IER2: variants seen among roughly 807,000 people sequenced by gnomAD.
IER2 encodes the protein immediate early response gene 2 protein.
For synonymous variants in IER2, 198 were observed against 149.6 expected (o/e 1.32, Z -2.36); for missense variants, 372 against 325.4 (o/e 1.14, Z -1.10).
At chr19:13,152,283 C>T (rs1193884833) in intron 1 of IER2, 1 of 152,224 alleles carries the variant, frequency 6.6e-6, no homozygotes. Flanking sequence ...GCTCTGAACC[C>T]ACCCGTGGAG....
Position 13,153,297 on chromosome 19 carries a change from G to A in IER2, c.111G>A (p.Ser37=), listed in dbSNP as rs1302796226. 8.1e-6 allele frequency: 13 copies of A among 1,604,360 alleles called. No individual in the cohort carries two copies. The highest frequency in any genetic ancestry group is 1.3e-5 in the African/African-American group (1 of 74,578). The part of the protein sequence containing the change: ...GLRLHRSLQL[S]LVMRSARELY... The stretch of plus-strand genomic sequence containing the variant: ...GGCTGCACCGGAGTCTGCAGCTGTC[G>A]CTGGTCATGCGCAGCGCCCGGGAGC... Residue 37 remains serine, a synonymous_variant, in exon 2 of 2, where the codon TCG becomes TCA. Coordinates refer to ENST00000292433, the MANE Select transcript of IER2 (RefSeq NM_004907.3).
In IER2 at chr19:13,153,363, G is replaced by A. The variant is rs943578479; in HGVS notation, c.177G>A (p.Val59=). 1.3e-6 allele frequency: 2 copies of A among 1,593,502 alleles called. No individual in the cohort carries two copies. Among genetic ancestry groups the A allele is most frequent in the South Asian group, 1.1e-5 (1 of 89,214 alleles). Residue 59 remains valine (V), a synonymous_variant, in exon 2 of 2, where the codon GTG becomes GTA. Coordinates refer to ENST00000292433, the MANE Select transcript of IER2 (RefSeq NM_004907.3). ...SAKVEALEPE[V]SLPAALPSDP... ...AGGTGGAGGCCCTCGAGCCCGAGGT[G>A]TCGTTGCCGGCCGCCCTCCCCTCTG...
At chr19:13,151,064 G>T (rs1426318851) in intron 1 of IER2, among the ~76,000 whole-genome samples, 1 of 152,104 alleles carries the variant, frequency 6.6e-6, no homozygotes, top group Non-Finnish European at 1.5e-5. Context: ...AGGGACTCAG[G>T]GTCGTCCCTA....
chr19:13,152,420 T>C (rs1223928618), intron 1 of IER2: 1 of 152,264 alleles, frequency 6.6e-6, no homozygotes, highest in Non-Finnish European at 1.5e-5. Flanking sequence ...GAGGCCCCAG[T>C]GGCCCCCTTT....
Position 13,150,939 on chromosome 19 carries a change from G to A in IER2, c.-244+387G>A, listed in dbSNP as rs2020048073. ...TGGAGGTGGGTTTCTTCAGAAGCGC[G>A]GAGTCTTTCTGGGTGCGAGCCTGGG... On this transcript the variant is annotated intron_variant, in intron 1 of 1. Transcript: ENST00000292433. The surrounding 1 kb of genome is among the most constrained non-coding windows in gnomAD (Gnocchi z 4.0). Among the ~76,000 whole-genome samples the A allele has an allele frequency of 6.6e-6, 1 of 152,096 alleles. No individual in the cohort carries two copies. The highest frequency in any genetic ancestry group is 2.4e-5 in the African/African-American group (1 of 41,412).
In IER2 at chr19:13,150,570, C is replaced by T; in HGVS notation, c.-244+18C>T. ...CGGGCAATGTAAATAATGATAGCCT[C>T]CCTCATCTCTGGCGGCTGGGTATTA... On this transcript the variant is annotated intron_variant, in intron 1 of 1. Coordinates refer to ENST00000292433, the MANE Select transcript of IER2 (RefSeq NM_004907.3). The surrounding 1 kb of genome is among the most constrained non-coding windows in gnomAD (Gnocchi z 4.0). 1 of 193,556 alleles carries T rather than the reference C, an allele frequency of 5.2e-6. No individual in the cohort carries two copies. The highest frequency in any genetic ancestry group is 1.1e-5 in the Non-Finnish European group (1 of 93,828). The allele number at this position is 193,556 out of a possible 1,614,324, so 12.0% of individuals were successfully genotyped here. A position where few individuals can be genotyped will look rare whatever the true frequency, so the allele number is the denominator to read the frequency against.
chr19:13,154,273 C>T lies in IER2; in HGVS notation c.*415C>T, dbSNP rs1395067298. ...ATTTTGTACTGTGGGCTGTGCTGGC[C>T]CTTTCAAGGTTTTTCAAGAGTTGGT... On this transcript the variant is annotated 3_prime_UTR_variant, in exon 2 of 2. Transcript: ENST00000292433. 1 of 186,908 alleles carries T rather than the reference C, an allele frequency of 5.4e-6. No homozygotes were observed. Among genetic ancestry groups the T allele is most frequent in the Admixed American group, 6.4e-5 (1 of 15,742 alleles). The allele number at this position is 186,908 out of a possible 1,614,324, so 11.6% of individuals were successfully genotyped here. A position where few individuals can be genotyped will look rare whatever the true frequency, so the allele number is the denominator to read the frequency against.
chr19:13,151,005 CCT>C (rs2020049239), intron 1 of IER2, among the ~76,000 whole-genome samples: 1 of 151,992 alleles, frequency 6.6e-6, no homozygotes, highest in South Asian at 2.1e-4. Flanking sequence ...CCAGGGGGGC[CCT>C]CTGTGTGTGG....
rs764396047 is a variant in IER2, at chr19:13,153,288, G to A, written c.102G>A (p.Leu34=). The A allele has an allele frequency of 7.5e-6, 12 of 1,604,834 alleles. No individual in the cohort carries two copies. Among genetic ancestry groups the A allele is most frequent in the East Asian group, 4.5e-5 (2 of 44,446 alleles). The change falls in exon 2 of 2, where the codon CTG becomes CTA. Residue 34 remains leucine (L), a synonymous_variant. Coordinates refer to ENST00000292433, the MANE Select transcript of IER2 (RefSeq NM_004907.3). ...QRGGLRLHRS[L]QLSLVMRSAR... is the part of the protein sequence containing the mutation. ...GTGGCCTGCGGCTGCACCGGAGTCT[G>A]CAGCTGTCGCTGGTCATGCGCAGCG...
At position 13,153,754 on chromosome 19, in the gene IER2, C is replaced by T. The variant is rs943563065; in HGVS notation, c.568C>T (p.Pro190Ser). ...CTTCTCCGGCCTCCTGAACTGCAGC[C>T]CCGCGGCCCCTCCGACGGCGCCGCC... Reference protein sequence around the residue: ...RRFSGLLNCSPAAPPTAPPAC... With the variant: ...RRFSGLLNCSSAAPPTAPPAC... Residue 190 changes from proline (P) to serine (S), a missense_variant, in exon 2 of 2, where the codon CCC (proline) becomes TCC (serine). By Grantham distance (74) the Pro-to-Ser change is moderately conservative. Coordinates refer to ENST00000292433, the MANE Select transcript of IER2 (RefSeq NM_004907.3). 2 of 1,584,494 alleles carry T rather than the reference C, an allele frequency of 1.3e-6. No homozygotes were observed. The highest frequency in any genetic ancestry group is 1.4e-5 in the African/African-American group (1 of 73,288).
chr19:13,151,834 A>T (rs950252838), intron 1 of IER2: 1 of 146,058 alleles, frequency 6.8e-6, no homozygotes, highest in Non-Finnish European at 1.5e-5. Flanking sequence ...GCCGGCCGCT[A>T]AGGCGATCAC....
In IER2 at chr19:13,153,046, C is replaced by T. The variant is rs1298430857; in HGVS notation, c.-141C>T. On this transcript the variant is annotated 5_prime_UTR_variant, in exon 2 of 2. Coordinates refer to ENST00000292433, the MANE Select transcript of IER2 (RefSeq NM_004907.3). Reference sequence around the variant, plus strand: ...GGTATAAAAGGGCCTGGGTGGCGGGCGCCTGGGCAGAGCGTCCTAGCAGTG... The same window carrying T: ...GGTATAAAAGGGCCTGGGTGGCGGGTGCCTGGGCAGAGCGTCCTAGCAGTG... The T allele has an allele frequency of 5.5e-6, 3 of 545,062 alleles. No homozygotes were observed. In the South Asian group the frequency reaches 9.1e-5, roughly 17 times the overall value. The allele number at this position is 545,062 out of a possible 1,614,324, so 33.8% of individuals were successfully genotyped here. A position where few individuals can be genotyped will look rare whatever the true frequency, so the allele number is the denominator to read the frequency against.
chr19:13,153,892 C>A lies in IER2; in HGVS notation c.*34C>A. The A allele has an allele frequency of 7.2e-7, 1 of 1,395,328 alleles. No homozygotes were observed. The highest frequency in any genetic ancestry group is 1.6e-5 in the South Asian group (1 of 62,196). The allele number at this position is 1,395,328 out of a possible 1,614,324, so 86.4% of individuals were successfully genotyped here. On this transcript the variant is annotated 3_prime_UTR_variant, in exon 2 of 2. Coordinates refer to ENST00000292433, the MANE Select transcript of IER2 (RefSeq NM_004907.3). ...AGCGGCGCTGCCGGAGCCCAGAGCGCGCGTCGAACCGTCGGCCCGAGGGCG... is the reference window on the plus strand; with the variant it reads ...AGCGGCGCTGCCGGAGCCCAGAGCGAGCGTCGAACCGTCGGCCCGAGGGCG...
rs750183739 is a variant in IER2, at chr19:13,153,531, C to G, written c.345C>G (p.Pro115=). 6.3e-6 allele frequency: 10 copies of G among 1,585,786 alleles called. No individual in the cohort carries two copies. The Admixed American group carries it at 1.8e-4, about 28-fold the overall frequency. The part of the protein sequence containing the change: ...EETSACCAPR[P]AKVSRKRRSS... The stretch of plus-strand genomic sequence containing the variant: ...CCTCCGCCTGCTGTGCCCCGCGCCC[C>G]GCCAAAGTCAGCCGCAAACGACGCA... The change falls in exon 2 of 2, where the codon CCC becomes CCG. Residue 115 remains proline, a synonymous_variant. Transcript: ENST00000292433.
chr19:13,153,082 G>A lies in IER2; in HGVS notation c.-105G>A, dbSNP rs181174098. The stretch of plus-strand genomic sequence containing the variant: ...AGCGTCCTAGCAGTGTCACTGCGTG[G>A]GTTGGTTTGTGTAGAGAGGCGTGAG... On this transcript the variant is annotated 5_prime_UTR_variant, in exon 2 of 2. Coordinates refer to ENST00000292433, the MANE Select transcript of IER2 (RefSeq NM_004907.3). The A allele has an allele frequency of 1.3e-5, 10 of 798,068 alleles. No homozygotes were observed. The Admixed American group carries it at 3.1e-4, about 25-fold the overall frequency. 49.4% of individuals were successfully genotyped at this position (798,068 alleles called of 1,614,324 possible).
Position 13,153,414 on chromosome 19 carries a change from A to C in IER2, c.228A>C (p.Glu76Asp), listed in dbSNP as rs2020090179. Reference sequence around the variant, plus strand: ...ACCCTCGCCTGCACCCGCCCCGAGAAGCCGAGTCCACGGCCGAGACAGCGA... The same window carrying C: ...ACCCTCGCCTGCACCCGCCCCGAGACGCCGAGTCCACGGCCGAGACAGCGA... ...PSDPRLHPPR[E>D]AESTAETATP... The change falls in exon 2 of 2, where the codon GAA becomes GAC. Residue 76 changes from glutamate to aspartate, a missense_variant. Coordinates refer to ENST00000292433, the MANE Select transcript of IER2 (RefSeq NM_004907.3). The C allele has an allele frequency of 6.3e-7, 1 of 1,593,206 alleles. No individual in the cohort carries two copies. The highest frequency in any genetic ancestry group is 1.7e-5 in the Admixed American group (1 of 57,778).
At position 13,153,630 on chromosome 19, in the gene IER2, A is replaced by G; in HGVS notation, c.444A>G (p.Glu148=). Residue 148 remains glutamate, a synonymous_variant, in exon 2 of 2, where the codon GAA becomes GAG. Transcript: ENST00000292433. ...SKKARLEEKE[E]EEGASSEVAD... is the part of the protein sequence containing the mutation. ...AAGCCCGTCTGGAAGAAAAGGAAGAAGAGGAGGGAGCGTCATCCGAAGTCG... is the reference window on the plus strand; with the variant it reads ...AAGCCCGTCTGGAAGAAAAGGAAGAGGAGGAGGGAGCGTCATCCGAAGTCG... The G allele has an allele frequency of 3.1e-6, 5 of 1,613,172 alleles. No homozygotes were observed. The highest frequency in any genetic ancestry group is 2.2e-5 in the East Asian group (1 of 44,864).
chr19:13,153,703 A>T lies in IER2; in HGVS notation c.517A>T (p.Asn173Tyr). Reference sequence around the variant, plus strand: ...GGCGCAAGCGGAGGGCGCCTTTCCCAACCTGGCCCGCGTCCTGCAGAGGCG... The same window carrying T: ...GGCGCAAGCGGAGGGCGCCTTTCCCTACCTGGCCCGCGTCCTGCAGAGGCG... ...PPAQAEGAFP[N>Y]LARVLQRRFS... Residue 173 changes from asparagine (N) to tyrosine (Y), a missense_variant, in exon 2 of 2, where the codon AAC becomes TAC. Asn to Tyr is a moderately radical substitution (Grantham distance 143). Transcript: ENST00000292433. 6.2e-7 allele frequency: 1 copy of T among 1,610,576 alleles called. No homozygotes were observed.
rs915317026 is a variant in IER2, at chr19:13,154,201, T to TTTTG, written c.*359_*362dup. ...GGAGGCTTGGGTGTTGTGTTTTTTG[T>TTTTG]TTTGTTTGTTTGTTTGTTTTTAAAG... On this transcript the variant is annotated 3_prime_UTR_variant, in exon 2 of 2. Coordinates refer to ENST00000292433, the MANE Select transcript of IER2 (RefSeq NM_004907.3). 3.7e-5 allele frequency: 12 copies of TTTTG among 321,084 alleles called. No homozygotes were observed. The highest frequency in any genetic ancestry group is 2.6e-4 in the Admixed American group (5 of 19,176). 19.9% of individuals were successfully genotyped at this position (321,084 alleles called of 1,614,324 possible).
Sources: allele counts gnomAD v4.1 joint callset (sites outside exome capture counted in the v4.1 genomes callset), GRCh38; gene constraint gnomAD v4.1.1; non-coding constraint Gnocchi (gnomAD v3.1); transcripts MANE v1.5; gene names NCBI Gene and HGNC (gene_info 2026-07-23, HGNC 2026-07-21).